Variants in CCDC171 observed in about 807,000 individuals in gnomAD.
The protein encoded by CCDC171 is coiled-coil domain-containing protein 171.
Under a neutral mutation model 168.2 loss-of-function variants are expected in CCDC171, and 177 were observed. The observed-to-expected ratio is 1.05, with a 90% CI of 0.93 to 1.19. The LOEUF (loss-of-function observed/expected upper bound fraction) is 1.19, where lower values mean the gene tolerates loss of function less well. Ranked by LOEUF, CCDC171 falls within the 50% of genes most tolerant of loss-of-function variation. CCDC171 has a pLI of 0.00. For missense variants in CCDC171, 1,991 were observed against 1,539.0 expected (o/e 1.29, Z -4.91); for synonymous variants, 687 against 540.8 (o/e 1.27, Z -3.75).
At chr9:15,799,134 C>G (rs1280147819) in intron 21 of CCDC171, among the ~76,000 whole-genome samples, 2 of 16,150 alleles carry the variant, frequency 1.2e-4, no homozygotes, top group East Asian at 3.6e-3. Flanking sequence ...TTCATCATTG[C>G]CATATATATA....
At position 15,691,546 on chromosome 9, in the gene CCDC171, T is replaced by TATATATATATATATATATATATA. The variant is rs1554762228; in HGVS notation, c.1216-3689_1216-3688insATATATATATATATATATATATA. Among the ~76,000 whole-genome samples the TATATATATATATATATATATATA allele has an allele frequency of 2.4e-4, 26 of 106,380 alleles. 1 individual carries two copies. The highest frequency in any genetic ancestry group is 4.8e-4 in the East Asian group (2 of 4,154). 69.8% of individuals were successfully genotyped at this position (106,380 alleles called of 152,430 possible). On this transcript the variant is annotated intron_variant, in intron 10 of 25. Coordinates refer to ENST00000380701, the MANE Select transcript of CCDC171 (RefSeq NM_173550.4). ...AAAAATACCTGTAAATATATGTTTT[T>TATATATATATATATATATATATA]TATATATATATATATATATATATAT...
At chr9:15,852,480 G>T (rs1022949267) in intron 23 of CCDC171, among the ~76,000 whole-genome samples, 4 of 151,616 alleles carry the variant, frequency 2.6e-5, no homozygotes, top group African/African-American at 9.7e-5. Context: ...CTGGATACTA[G>T]AATCTTATTA....
intron 21 of CCDC171, among the ~76,000 whole-genome samples, chr9:15,802,202 A>G (rs535759375): frequency 3.3e-5 from 5 of 151,384 alleles, no homozygotes; most frequent in Admixed American, 6.6e-5. Flanking sequence ...GGGTTTATTG[A>G]GCTTTATTTA....
At chr9:15,788,823 G>T (rs1004179834) in intron 21 of CCDC171, among the ~76,000 whole-genome samples, 1 of 152,060 alleles carries the variant, frequency 6.6e-6, no homozygotes, top group Non-Finnish European at 1.5e-5. Context: ...AAAGTGCTGG[G>T]ATTACAGGTG....
intron 25 of CCDC171, among the ~76,000 whole-genome samples, chr9:15,958,678 A>AT (rs1830053884): frequency 6.6e-6 from 1 of 151,948 alleles, no homozygotes; most frequent in African/African-American, 2.4e-5. Flanking sequence ...AAAGGGCAGC[A>AT]TGCAAAAGTG....
At chr9:16,011,993 G>A (rs1016978801) in intron 3 of CCDC171, among the ~76,000 whole-genome samples, 3 of 152,194 alleles carry the variant, frequency 2.0e-5, no homozygotes, top group African/African-American at 2.4e-5. Context: ...GATGAGAGGG[G>A]AAGAGATTGT....
intron 24 of CCDC171, among the ~76,000 whole-genome samples, chr9:15,895,740 A>C (rs1042795086): frequency 6.6e-6 from 1 of 152,086 alleles, no homozygotes; most frequent in African/African-American, 2.4e-5. Context: ...TGCTTTAGTC[A>C]CTAACCAAGC....
Position 15,724,965 on chromosome 9 carries a change from A to C in CCDC171, c.1681A>C (p.Lys561Gln). Residue 561 changes from lysine to glutamine, a missense_variant, in exon 14 of 26, where the codon AAG becomes CAG. By Grantham distance (53) the Lys-to-Gln change is moderately conservative (BLOSUM62 1). Transcript: ENST00000380701. ...GCAGAAGCTTTCCCAGGCTTTCCAT[A>C]AGGATGCAGAGGTATTACCTGAGAC... ...ELQKLSQAFH[K>Q]DAEEKLTFLH... 1 of 1,613,502 alleles carries C rather than the reference A, an allele frequency of 6.2e-7. No homozygotes were observed. The highest frequency in any genetic ancestry group is 8.5e-7 in the Non-Finnish European group (1 of 1,179,500).
At chr9:15,936,716 C>A (rs1456461556) in intron 25 of CCDC171, among the ~76,000 whole-genome samples, 4 of 152,080 alleles carry the variant, frequency 2.6e-5, no homozygotes, top group Admixed American at 6.6e-5. Flanking sequence ...ATTGTAATGT[C>A]TGGCTTCCAG....
the CCDC171 span, among the ~76,000 whole-genome samples, chr9:16,096,700 C>T: frequency 1.3e-5 from 2 of 152,318 alleles, no homozygotes; most frequent in East Asian, 1.9e-4. Flanking sequence ...CTCCATGACA[C>T]ACTTCTTGCA....
the CCDC171 span, among the ~76,000 whole-genome samples, chr9:16,073,451 T>A: frequency 3.3e-5 from 5 of 152,082 alleles, no homozygotes; most frequent in Admixed American, 6.5e-5. Context: ...TGTAAAATCT[T>A]CTCTTATCTC....
In CCDC171 at chr9:15,703,530, G is replaced by A. The variant is rs188436795; in HGVS notation, c.1318+8193G>A. 1.2e-4 allele frequency among the ~76,000 whole-genome samples: 18 copies of A among 152,132 alleles called. 1 individual carries two copies. In the East Asian group the frequency reaches 3.3e-3, roughly 28 times the overall value. On this transcript the variant is annotated intron_variant, in intron 11 of 25. Coordinates refer to ENST00000380701, the MANE Select transcript of CCDC171 (RefSeq NM_173550.4). ...TGTAGTATTTGTCTTTCTGTGCCAGGCTTATTTCACTTAACATAATGTCCT... is the reference window on the plus strand; with the variant it reads ...TGTAGTATTTGTCTTTCTGTGCCAGACTTATTTCACTTAACATAATGTCCT...
rs778546295 is a variant in CCDC171, at chr9:15,744,495, C to G, written c.2272C>G (p.Gln758Glu). 6.8e-6 allele frequency: 11 copies of G among 1,614,178 alleles called. No homozygotes were observed. In the Admixed American group the frequency reaches 1.2e-4, roughly 17 times the overall value. ...LSTQRDFLQE[Q>E]VNTFELFKLE... Reference sequence around the variant, plus strand: ...TACACAGAGAGATTTTCTCCAGGAGCAGGTCAACACCTTTGAGTTGTTCAA... The same window carrying G: ...TACACAGAGAGATTTTCTCCAGGAGGAGGTCAACACCTTTGAGTTGTTCAA... Residue 758 changes from glutamine (Q) to glutamate (E), a missense_variant, in exon 17 of 26, where the codon CAG (glutamine) becomes GAG (glutamate). Physicochemically the swap from Gln to Glu is conservative, Grantham distance 29 (BLOSUM62 2). Transcript: ENST00000380701.
chr9:15,961,006 G>C (rs576142719), intron 25 of CCDC171, among the ~76,000 whole-genome samples: 1 of 151,858 alleles, frequency 6.6e-6, no homozygotes, highest in Non-Finnish European at 1.5e-5. Context: ...GTGGAAGGGA[G>C]GGGCATGCAA....
At chr9:15,687,380 C>T (rs2050472158) in intron 10 of CCDC171, among the ~76,000 whole-genome samples, 1 of 151,528 alleles carries the variant, frequency 6.6e-6, no homozygotes, top group Non-Finnish European at 1.5e-5. Context: ...GTTTTTGAGT[C>T]CAAGAGTTTG....
chr9:15,743,935 A>T (rs2134631773), intron 16 of CCDC171, among the ~76,000 whole-genome samples: 1 of 152,362 alleles, frequency 6.6e-6, no homozygotes, highest in East Asian at 1.9e-4. Context: ...GTGGAAGAAG[A>T]GAAATTATAC....
chr9:15,953,375 G>C (rs1427119108), intron 25 of CCDC171, among the ~76,000 whole-genome samples: 2 of 152,108 alleles, frequency 1.3e-5, no homozygotes, highest in Non-Finnish European at 2.9e-5. Context: ...TTTGTTGAGA[G>C]TTTTAAATTA....
rs537999801 is a variant in CCDC171 at position 16,014,578 on chromosome 9, G to A, written n.369-6011G>A. 2.8e-4 allele frequency among the ~76,000 whole-genome samples: 43 copies of A among 152,210 alleles called. 1 individual carries two copies. Among genetic ancestry groups the A allele is most frequent in the Non-Finnish European group, 5.1e-4 (35 of 68,008 alleles). On this transcript the variant is annotated intron_variant and non_coding_transcript_variant, in intron 3 of 9. Coordinates refer to the CCDC171 transcript ENST00000486641. The stretch of plus-strand genomic sequence containing the variant: ...GGAATCACCATCTATGGCAGCTATA[G>A]CCTTATGAAATGTATTTCTTAAATA...
At chr9:15,736,499 G>A (rs979599270) in intron 16 of CCDC171, among the ~76,000 whole-genome samples, 2 of 151,660 alleles carry the variant, frequency 1.3e-5, no homozygotes, top group African/African-American at 2.4e-5. Flanking sequence ...TACAGGGCAC[G>A]CCACCATGCT....
Sources: allele counts gnomAD v4.1 joint callset (sites outside exome capture counted in the v4.1 genomes callset), GRCh38; gene constraint gnomAD v4.1.1; transcripts MANE v1.5; gene names NCBI Gene and HGNC (gene_info 2026-07-23, HGNC 2026-07-21).